The following KCNT2 variants were observed in gnomAD, a reference collection of about 807,000 sequenced individuals.
The protein encoded by KCNT2 is potassium channel subfamily T member 2.
KCNT2 carries 67 observed loss-of-function variants against 153.8 expected under a neutral mutation model. The ratio of observed to expected loss-of-function variants is 0.44; its 90% confidence interval spans 0.36 to 0.53. KCNT2 has a LOEUF of 0.53. Ranked by LOEUF, KCNT2 falls within the 20% of genes least tolerant of loss-of-function variation. KCNT2 has a pLI of 0.00. For synonymous variants in KCNT2, 500 were observed against 458.8 expected (o/e 1.09, Z -1.15); for missense variants, 975 against 1,354.8 (o/e 0.72, Z 4.40).
At chr1:196,437,871 A>G (rs937907715) in intron 8 of KCNT2, among the ~76,000 whole-genome samples, 1 of 151,578 alleles carries the variant, frequency 6.6e-6, no homozygotes, top group South Asian at 2.1e-4. Flanking sequence ...AGATGCAGGT[A>G]TCAATAGGAC....
At chr1:196,547,419 C>A (rs574944824) in intron 1 of KCNT2, among the ~76,000 whole-genome samples, 1 of 151,888 alleles carries the variant, frequency 6.6e-6, no homozygotes, top group Non-Finnish European at 1.5e-5. Flanking sequence ...ACTGGACAGA[C>A]GATGGATGTC....
intron 26 of KCNT2, among the ~76,000 whole-genome samples, chr1:196,249,964 AATG>A (rs994817075): frequency 3.9e-5 from 6 of 152,230 alleles, no homozygotes; most frequent in Admixed American, 3.3e-4. Context: ...AAAAAATTTG[AATG>A]ATATTTCATA....
At position 196,445,105 on chromosome 1, in the gene KCNT2, T is replaced by C. The variant is rs1675573327; in HGVS notation, c.639-15348A>G. Among the ~76,000 whole-genome samples, 4 of 151,412 alleles carry C rather than the reference T, an allele frequency of 2.6e-5. No homozygotes were observed. The South Asian group carries it at 8.3e-4, about 31-fold the overall frequency. The stretch of plus-strand genomic sequence containing the variant: ...TAAAGTGTATATCCAAGAAATAATA[T>C]AGAAATATTAGCTTACACACTATTT... On this transcript the variant is annotated intron_variant, in intron 8 of 27. Transcript: ENST00000294725.
At chr1:196,441,331 T>G (rs978733453) in intron 8 of KCNT2, among the ~76,000 whole-genome samples, 2 of 151,236 alleles carry the variant, frequency 1.3e-5, no homozygotes, top group Non-Finnish European at 3.0e-5. Flanking sequence ...AAAAAATATA[T>G]ATATATTTAA....
intron 1 of KCNT2, among the ~76,000 whole-genome samples, chr1:196,495,763 AT>A (rs1680203264): frequency 6.6e-6 from 1 of 152,190 alleles, no homozygotes; most frequent in Admixed American, 6.5e-5. Context: ...ATTTAAAGTA[AT>A]TTTGTTACAT....
chr1:196,347,851 C>G (rs1277859817), intron 14 of KCNT2, among the ~76,000 whole-genome samples: 1 of 152,126 alleles, frequency 6.6e-6, no homozygotes, highest in African/African-American at 2.4e-5. Context: ...TCTTGACCCT[C>G]AGCTTAATCA....
chr1:196,418,443 G>A (rs958553017), intron 12 of KCNT2, among the ~76,000 whole-genome samples: 9 of 152,036 alleles, frequency 5.9e-5, no homozygotes, highest in Admixed American at 2.6e-4. Flanking sequence ...TCCAGCCGGG[G>A]CAAGAAAAGC....
At chr1:196,277,918 G>A (rs1025776641) in intron 25 of KCNT2, among the ~76,000 whole-genome samples, 3 of 151,568 alleles carry the variant, frequency 2.0e-5, no homozygotes, top group African/African-American at 7.3e-5. Flanking sequence ...ATATTTAATT[G>A]ATATCCCTTC....
chr1:196,528,227 C>G, intron 1 of KCNT2, among the ~76,000 whole-genome samples: 1 of 152,190 alleles, frequency 6.6e-6, no homozygotes, highest in East Asian at 1.9e-4. Flanking sequence ...TGAGCATTCT[C>G]AAGAAAGTTA....
At chr1:196,579,451 T>C (rs1327776241) in intron 1 of KCNT2, among the ~76,000 whole-genome samples, 2 of 151,804 alleles carry the variant, frequency 1.3e-5, no homozygotes, top group African/African-American at 4.8e-5. Flanking sequence ...GTGACAAACA[T>C]GCACATGTAC....
chr1:196,326,998 T>G, intron 18 of KCNT2, 109 bp from the exon 19 acceptor site: 1 of 624,504 alleles, frequency 1.6e-6, no homozygotes, highest in Non-Finnish European at 2.7e-6. Context: ...TGTAAATCCT[T>G]ATTTTCTAAT....
rs779576230 is a variant in KCNT2, at chr1:196,258,266, A to G, written c.3139T>C (p.Ser1047Pro). ...AGTTCAGCAAGCTCTTGTCTTTCTG[A>G]CCTCCTGTAGAGGTTCAGTCGCTGC... Reference protein sequence around the residue: ...TQQRLNLYRRSERQELAELVK... With the variant: ...TQQRLNLYRRPERQELAELVK... Residue 1047 changes from serine to proline, a missense_variant, in exon 26 of 28, where the codon TCA becomes CCA. Physicochemically the swap from Ser to Pro is moderately conservative, Grantham distance 74. Transcript: ENST00000294725. 4.3e-6 allele frequency: 7 copies of G among 1,613,688 alleles called. No homozygotes were observed. In the South Asian group the frequency reaches 7.7e-5, roughly 18 times the overall value.
chr1:196,296,659 CT>C (rs1660702721), intron 22 of KCNT2, among the ~76,000 whole-genome samples: 2 of 152,080 alleles, frequency 1.3e-5, no homozygotes, highest in African/African-American at 4.8e-5. Flanking sequence ...AAGAAAGATA[CT>C]TAAAATAAAC....
At chr1:196,466,083 C>A (rs987350399) in intron 7 of KCNT2, among the ~76,000 whole-genome samples, 1 of 151,558 alleles carries the variant, frequency 6.6e-6, no homozygotes, top group African/African-American at 2.4e-5. Context: ...TAGCATCTGG[C>A]GAAAAGAGAT....
In KCNT2 at chr1:196,371,220, C is replaced by CAAAA. The variant is rs952744388; in HGVS notation, c.1403+1916_1403+1919dup. On this transcript the variant is annotated intron_variant, in intron 14 of 27. Transcript: ENST00000294725. ...GCAACATGGCAAAATCCCGTCACTA[C>CAAAA]AAAAAAAAAAAAAAAAAAAAAAAAA... 1.2e-3 allele frequency among the ~76,000 whole-genome samples: 27 copies of CAAAA among 21,944 alleles called. 4 individuals are homozygous for CAAAA. Among genetic ancestry groups the CAAAA allele is most frequent in the East Asian group, 3.2e-3 (2 of 622 alleles). The allele number at this position is 21,944 out of a possible 152,430, so 14.4% of individuals were successfully genotyped here.
intron 16 of KCNT2, among the ~76,000 whole-genome samples, chr1:196,338,541 CT>C (rs1462357337): frequency 1.3e-5 from 2 of 151,954 alleles, no homozygotes; most frequent in African/African-American, 4.8e-5. Flanking sequence ...CAAACAAGAA[CT>C]TTTGGTTATC....
chr1:196,414,780 T>C (rs559183161), intron 12 of KCNT2, among the ~76,000 whole-genome samples: 352 of 151,988 alleles, frequency 2.3e-3, no homozygotes, highest in African/African-American at 8.3e-3. Context: ...GGTTCAACTA[T>C]TTAGTGTGAG....
At chr1:196,295,537 G>A (rs1282456405) in intron 22 of KCNT2, among the ~76,000 whole-genome samples, 1 of 151,430 alleles carries the variant, frequency 6.6e-6, no homozygotes, top group Non-Finnish European at 1.5e-5. Flanking sequence ...CACTCAAAAT[G>A]TCTACAGAAA....
intron 13 of KCNT2, among the ~76,000 whole-genome samples, chr1:196,379,219 T>C (rs1316379984): frequency 6.6e-6 from 1 of 152,136 alleles, no homozygotes; most frequent in Non-Finnish European, 1.5e-5. Flanking sequence ...AATCTGTCAT[T>C]TTTTTTCCTT....
Sources: gnomAD v4.1 joint callset for allele counts (sites outside exome capture counted in the v4.1 genomes callset) on GRCh38, gnomAD v4.1.1 for gene constraint, MANE v1.5 for transcripts, NCBI Gene and HGNC (gene_info 2026-07-23, HGNC 2026-07-21) for gene names.